Variants in RASGEF1C observed in about 807,000 individuals in gnomAD.
RASGEF1C encodes the protein RasGEF domain family member 1C.
In RASGEF1C, 27 loss-of-function variants were observed where a neutral mutation model predicts 58.1. That is an observed-to-expected ratio of 0.46 (90% confidence interval 0.34 to 0.64). RASGEF1C has a LOEUF of 0.64. Ranked by LOEUF, RASGEF1C falls within the 30% of genes least tolerant of loss-of-function variation. The probability of loss-of-function intolerance (pLI) is 0.01; values close to 1 mark genes in which losing one functional copy is unlikely to be tolerated. For synonymous variants in RASGEF1C, 243 were observed against 246.3 expected (o/e 0.99, Z 0.13); for missense variants, 502 against 605.1 (o/e 0.83, Z 1.79).
At chr5:180,171,884 C>T (rs1001591693) in intron 1 of RASGEF1C, among the ~76,000 whole-genome samples, 12 of 152,126 alleles carry the variant, frequency 7.9e-5, no homozygotes, top group East Asian at 5.8e-4. Flanking sequence ...GGGTCTCCTC[C>T]GCTGCCTGGC....
chr5:180,136,544 G>A lies in RASGEF1C; in HGVS notation c.301-29C>T, dbSNP rs199926844. The A allele has an allele frequency of 3.4e-3, 5,334 of 1,555,664 alleles. 35 individuals carry two copies. Among genetic ancestry groups the A allele is most frequent in the Middle Eastern group, 9.3e-3 (53 of 5,684 alleles). On this transcript the variant is annotated intron_variant, in intron 3 of 13. Coordinates refer to ENST00000361132, the MANE Select transcript of RASGEF1C (RefSeq NM_175062.4). ...CGGGCAAGCGAGGGGCACCGCGCTC[G>A]TGAGGGGCGCCGGGTGGGCACGTGA...
At position 180,199,268 on chromosome 5, in the gene RASGEF1C, T is replaced by C. The variant is rs1055876939; in HGVS notation, c.-7+9760A>G. ...GACAAATCCGGATTGTGGGAGAAAA[T>C]GGACGCAAGCTTTCTACAGGAACGA... On this transcript the variant is annotated intron_variant, in intron 1 of 13. Transcript: ENST00000361132. Among the ~76,000 whole-genome samples, 3 of 152,118 alleles carry C rather than the reference T, an allele frequency of 2.0e-5. No individual in the cohort carries two copies. The South Asian group carries it at 6.2e-4, about 32-fold the overall frequency.
At chr5:180,142,585 G>A (rs890214438) in intron 1 of RASGEF1C, among the ~76,000 whole-genome samples, 5 of 152,178 alleles carry the variant, frequency 3.3e-5, no homozygotes, top group African/African-American at 9.7e-5. Flanking sequence ...AGCATGGACG[G>A]GGAGGTGCAC....
intron 1 of RASGEF1C, among the ~76,000 whole-genome samples, chr5:180,152,911 CAAAAA>C (rs755521241): frequency 0.21 from 14,738 of 71,594 alleles, 905 homozygotes; most frequent in Middle Eastern, 0.4. Flanking sequence ...AACCCCATCT[CAAAAA>C]AAAAAAAAAA....
chr5:180,133,344 G>A (rs1298582177), intron 4 of RASGEF1C, among the ~76,000 whole-genome samples: 2 of 152,192 alleles, frequency 1.3e-5, no homozygotes, highest in Non-Finnish European at 2.9e-5. Flanking sequence ...GGGAGTGGGC[G>A]GGGGAAAGAG....
intron 8 of RASGEF1C, 77 bp downstream of exon 8, chr5:180,119,269 G>A: frequency 8.1e-7 from 1 of 1,240,794 alleles, no homozygotes; most frequent in Non-Finnish European, 1.2e-6. Flanking sequence ...CTTGCACTCT[G>A]CCTGCCTGGC....
In RASGEF1C at chr5:180,143,538, C is replaced by T. The variant is rs1413861622; in HGVS notation, c.-6-5480G>A. Among the ~76,000 whole-genome samples, 5 of 152,172 alleles carry T rather than the reference C, an allele frequency of 3.3e-5. No individual in the cohort carries two copies. The highest frequency in any genetic ancestry group is 2.0e-4 in the Admixed American group (3 of 15,272). Reference sequence around the variant, plus strand: ...AGCGTGGGGCTGGCAGAAGGTGGGCCGGCTGTACCAGTGAAAACCCACAAG... The same window carrying T: ...AGCGTGGGGCTGGCAGAAGGTGGGCTGGCTGTACCAGTGAAAACCCACAAG... On this transcript the variant is annotated intron_variant, in intron 1 of 13. Coordinates refer to ENST00000361132, the MANE Select transcript of RASGEF1C (RefSeq NM_175062.4). The surrounding 1 kb of genome is among the most constrained non-coding windows in gnomAD (Gnocchi z 4.3).
chr5:180,177,453 G>A lies in RASGEF1C; in HGVS notation c.-7+31575C>T, dbSNP rs967765437. Among the ~76,000 whole-genome samples, 2 of 152,248 alleles carry A rather than the reference G, an allele frequency of 1.3e-5. No homozygotes were observed. Among genetic ancestry groups the A allele is most frequent in the Non-Finnish European group, 2.9e-5 (2 of 68,048 alleles). ...CCCGGCTGGGCCGCAGCAGTCCACG[G>A]GCAGGGCAGAGCCCCGGGCTTCCTT... On this transcript the variant is annotated intron_variant, in intron 1 of 13. Coordinates refer to ENST00000361132, the MANE Select transcript of RASGEF1C (RefSeq NM_175062.4). The surrounding 1 kb of genome is among the most constrained non-coding windows in gnomAD (Gnocchi z 5.0).
At chr5:180,140,232 G>C (rs897599577) in intron 1 of RASGEF1C, among the ~76,000 whole-genome samples, 12 of 152,204 alleles carry the variant, frequency 7.9e-5, no homozygotes, top group Non-Finnish European at 1.5e-4. Context: ...CCCAGAGAGG[G>C]GCTGGGCTGC....
At chr5:180,157,763 A>C (rs1223897171) in intron 1 of RASGEF1C, among the ~76,000 whole-genome samples, 1 of 152,210 alleles carries the variant, frequency 6.6e-6, no homozygotes. Flanking sequence ...CTGGAACATG[A>C]ACATTTATGG....
At chr5:180,173,943 G>T (rs755729798) in intron 1 of RASGEF1C, among the ~76,000 whole-genome samples, 7 of 150,604 alleles carry the variant, frequency 4.6e-5, no homozygotes, top group Non-Finnish European at 1.0e-4. Flanking sequence ...AAAAACCTGC[G>T]CAATTTTTCA....
At chr5:180,208,728 T>C (rs1052358169) in intron 1 of RASGEF1C, among the ~76,000 whole-genome samples, 12 of 152,106 alleles carry the variant, frequency 7.9e-5, no homozygotes, top group African/African-American at 2.9e-4. Context: ...CCTGCCACTC[T>C]AGCGGCTGAA....
rs1401845388 is a variant in RASGEF1C, at chr5:180,198,690, C to T, written c.-7+10338G>A. Among the ~76,000 whole-genome samples, 2 of 152,168 alleles carry T rather than the reference C, an allele frequency of 1.3e-5. No homozygotes were observed. The highest frequency in any genetic ancestry group is 1.5e-5 in the Non-Finnish European group (1 of 68,034). On this transcript the variant is annotated intron_variant, in intron 1 of 13. Transcript: ENST00000361132. The surrounding 1 kb of genome is among the most constrained non-coding windows in gnomAD (Gnocchi z 4.5). ...CTCAATACAATCACACTGGCAATTA[C>T]GTTTCAATATATACCAGTCAACAAT... is the stretch of plus-strand genomic sequence containing the variant.
intron 1 of RASGEF1C, among the ~76,000 whole-genome samples, chr5:180,160,989 C>T (rs1016735843): frequency 1.3e-5 from 2 of 152,186 alleles, no homozygotes; most frequent in African/African-American, 4.8e-5. Context: ...CTGCATTTGG[C>T]ACAGCCCTGG....
chr5:180,112,095 T>C (rs1048194143), intron 11 of RASGEF1C, among the ~76,000 whole-genome samples: 4 of 152,262 alleles, frequency 2.6e-5, no homozygotes, highest in South Asian at 2.1e-4. Flanking sequence ...AAGCACCTTG[T>C]AGTCTTACCT....
Position 180,137,900 on chromosome 5 carries a change from C to T in RASGEF1C, c.153G>A (p.Val51=). The T allele has an allele frequency of 6.2e-7, 1 of 1,613,006 alleles. No individual in the cohort carries two copies. Among genetic ancestry groups the T allele is most frequent in the Non-Finnish European group, 8.5e-7 (1 of 1,179,788 alleles). ...CCTCGGGGTAGTAGTCGGCTGTGGG[C>T]ACCAGGTGCTGGATCAGTGTTTCCA... ...ASLETLIQHL[V]PTADYYPEKA... is the part of the protein sequence containing the mutation. Residue 51 remains valine (V), a synonymous_variant, in exon 2 of 14, where the codon GTG becomes GTA. Transcript: ENST00000361132. The surrounding 1 kb of genome is among the most constrained non-coding windows in gnomAD (Gnocchi z 4.1).
intron 4 of RASGEF1C, among the ~76,000 whole-genome samples, chr5:180,134,940 TA>T (rs1431833426): frequency 6.1e-5 from 3 of 49,120 alleles, no homozygotes. Context: ...TCCACCTGCC[TA>T]TCCAATTACC....
At chr5:180,108,200 CTTTCT>C (rs200380852) in intron 12 of RASGEF1C, among the ~76,000 whole-genome samples, 10 of 146,058 alleles carry the variant, frequency 6.8e-5, no homozygotes, top group African/African-American at 1.8e-4. Flanking sequence ...TATTTTCTTT[CTTTCT>C]TTTTTTTTTT....
chr5:180,193,105 G>C (rs1756196200), intron 1 of RASGEF1C, among the ~76,000 whole-genome samples: 2 of 148,376 alleles, frequency 1.3e-5, no homozygotes, highest in African/African-American at 2.5e-5. Flanking sequence ...ACCCAGGCCA[G>C]AGTGCAGTGG....
Sources: gnomAD v4.1 joint callset for allele counts (sites outside exome capture counted in the v4.1 genomes callset) on GRCh38, gnomAD v4.1.1 for gene constraint, Gnocchi (gnomAD v3.1) non-coding constraint, MANE v1.5 for transcripts, NCBI Gene and HGNC (gene_info 2026-07-23, HGNC 2026-07-21) for gene names.